The following HTT-AS variants were observed in gnomAD, a reference collection of about 807,000 sequenced individuals.
HTT-AS encodes the protein HTT antisense RNA.
At chr4:3,067,517 C>T (rs1376725053) in intron 1 of HTT-AS, among the ~76,000 whole-genome samples, 1 of 152,182 alleles carries the variant, frequency 6.6e-6, no homozygotes, top group Non-Finnish European at 1.5e-5. Flanking sequence ...GCACTTCTCT[C>T]CCAAGTTCTC....
chr4:3,062,958 A>G (rs1241815969), exon 2 of HTT-AS, among the ~76,000 whole-genome samples: 1 of 152,174 alleles, frequency 6.6e-6, no homozygotes, highest in Non-Finnish European at 1.5e-5. Context: ...CCTATGTCCC[A>G]GTCCAACCGG....
intron 2 of HTT-AS, among the ~76,000 whole-genome samples, chr4:3,052,687 G>T (rs1448902842): frequency 6.6e-6 from 1 of 152,090 alleles, no homozygotes; most frequent in Non-Finnish European, 1.5e-5. Flanking sequence ...TCCAGGATCT[G>T]GTATAAAAAC....
chr4:3,063,054 C>T (rs564003376), exon 2 of HTT-AS, among the ~76,000 whole-genome samples: 2 of 152,144 alleles, frequency 1.3e-5, no homozygotes, highest in East Asian at 3.9e-4. Context: ...AGTAGGGGGT[C>T]GGAGACACGA....
In HTT-AS at chr4:3,066,128, G is replaced by A. The variant is rs74635046; in HGVS notation, n.114-2428C>T. The stretch of plus-strand genomic sequence containing the variant: ...CAAACACCAGGGCTGCTTCTGCTTT[G>A]CGGGTATTTGCTGATCTGGACAAGG... On this transcript the variant is annotated intron_variant and non_coding_transcript_variant, in intron 1 of 2. Coordinates refer to ENST00000664062, the Ensembl canonical transcript of HTT-AS. Among the ~76,000 whole-genome samples, 64 of 152,356 alleles carry A rather than the reference G, an allele frequency of 4.2e-4. 1 individual carries two copies. In the East Asian group the frequency reaches 0.012, roughly 29 times the overall value.
intron 2 of HTT-AS, among the ~76,000 whole-genome samples, chr4:3,057,863 T>C (rs1243074090): frequency 1.3e-5 from 2 of 151,080 alleles, no homozygotes; most frequent in East Asian, 4.0e-4. Context: ...GACCTTGTGA[T>C]CCGCCCGCCT....
downstream of HTT-AS, among the ~76,000 whole-genome samples, chr4:3,046,557 T>G (rs575248908): frequency 2.3e-4 from 35 of 152,362 alleles, no homozygotes; most frequent in African/African-American, 7.7e-4. Context: ...AATTCCACCC[T>G]TTTGGTCATT....
chr4:3,055,193 G>A (rs946984109), intron 2 of HTT-AS, among the ~76,000 whole-genome samples: 1 of 151,932 alleles, frequency 6.6e-6, no homozygotes, highest in African/African-American at 2.4e-5. Context: ...AGCTACTCAG[G>A]AGGCTGAGGC....
intron 1 of HTT-AS, among the ~76,000 whole-genome samples, chr4:3,068,721 C>G (rs1712104072): frequency 6.8e-6 from 1 of 147,314 alleles, no homozygotes; most frequent in Non-Finnish European, 1.5e-5. Context: ...ATGGCACGGT[C>G]TCGGCTCACT....
At chr4:3,070,610 C>T (rs1440901776) in intron 1 of HTT-AS, among the ~76,000 whole-genome samples, 2 of 152,054 alleles carry the variant, frequency 1.3e-5, no homozygotes, top group South Asian at 2.1e-4. Context: ...TGTATGTGTA[C>T]GCTGTTTTTT....
At chr4:3,050,835 G>C (rs942770375) in intron 2 of HTT-AS, among the ~76,000 whole-genome samples, 1 of 151,982 alleles carries the variant, frequency 6.6e-6, no homozygotes, top group Non-Finnish European at 1.5e-5. Context: ...AGATTATCCC[G>C]TTTACCTCTC....
chr4:3,047,274 G>A (rs949612903), downstream of HTT-AS, among the ~76,000 whole-genome samples: 1 of 152,138 alleles, frequency 6.6e-6, no homozygotes, highest in Non-Finnish European at 1.5e-5. Context: ...TTGCGCCACT[G>A]CCCTCCAGCC....
chr4:3,069,143 G>A (rs1057472508), intron 1 of HTT-AS, among the ~76,000 whole-genome samples: 8 of 148,538 alleles, frequency 5.4e-5, no homozygotes, highest in South Asian at 2.1e-4. Flanking sequence ...AGGAGACAAC[G>A]GTGTATGTTT....
At chr4:3,064,096 GTT>G (rs368155721) in intron 1 of HTT-AS, among the ~76,000 whole-genome samples, 9 of 136,012 alleles carry the variant, frequency 6.6e-5, no homozygotes, top group Non-Finnish European at 6.3e-5. Flanking sequence ...AAATAATAAA[GTT>G]TTTTTTTTTT....
chr4:3,055,038 C>T (rs1711781035), intron 2 of HTT-AS, among the ~76,000 whole-genome samples: 1 of 151,994 alleles, frequency 6.6e-6, no homozygotes, highest in Non-Finnish European at 1.5e-5. Context: ...AAGCACTGTT[C>T]TGCTCTTTCA....
chr4:3,052,447 T>A (rs1375527765), intron 2 of HTT-AS, among the ~76,000 whole-genome samples: 1 of 152,166 alleles, frequency 6.6e-6, no homozygotes, highest in East Asian at 1.9e-4. Flanking sequence ...GACCCCGTTT[T>A]GGGAAAAAAC....
At chr4:3,072,430 C>T (rs1712195839) in intron 1 of HTT-AS, among the ~76,000 whole-genome samples, 1 of 152,198 alleles carries the variant, frequency 6.6e-6, no homozygotes, top group South Asian at 2.1e-4. Flanking sequence ...GGTGACATTC[C>T]ATCACCTTTG....
chr4:3,063,656 G>A (rs750124144), exon 2 of HTT-AS: 3 of 152,364 alleles, frequency 2.0e-5, no homozygotes, highest in Non-Finnish European at 4.4e-5. Flanking sequence ...AGTCACCTGG[G>A]AGGGATGAGG....
intron 1 of HTT-AS, among the ~76,000 whole-genome samples, chr4:3,068,638 T>C (rs1056508530): frequency 2.0e-5 from 3 of 150,824 alleles, no homozygotes; most frequent in Non-Finnish European, 2.9e-5. Context: ...TTTTGTAACA[T>C]ATATGTGTGT....
At chr4:3,056,106 G>T (rs1711799781) in intron 2 of HTT-AS, among the ~76,000 whole-genome samples, 1 of 152,326 alleles carries the variant, frequency 6.6e-6, no homozygotes, top group South Asian at 2.1e-4. Flanking sequence ...AGTGTGTCCA[G>T]CAGGTACCTT....
Sources: allele counts gnomAD v4.1 joint callset (sites outside exome capture counted in the v4.1 genomes callset), GRCh38; gene constraint gnomAD v4.1.1; transcripts MANE v1.5; gene names NCBI Gene and HGNC (gene_info 2026-07-23, HGNC 2026-07-21).